Variants in USH1C observed in about 807,000 individuals in gnomAD.
The protein encoded by USH1C is USH1 protein network component harmonin.
In USH1C, 90 loss-of-function variants were observed where a neutral mutation model predicts 119.3. The observed-to-expected ratio is 0.75, with a 90% CI of 0.64 to 0.90. The LOEUF is 0.90. USH1C is among the 40% of genes least tolerant of loss of function. USH1C has a pLI of 0.00. For synonymous variants in USH1C, 465 were observed against 443.3 expected (o/e 1.05, Z -0.62); for missense variants, 1,165 against 1,167.7 (o/e 1.00, Z 0.03).
At chr11:17,517,740 A>G (rs1341197249) in intron 14 of USH1C, among the ~76,000 whole-genome samples, 1 of 152,220 alleles carries the variant, frequency 6.6e-6, no homozygotes, top group Non-Finnish European at 1.5e-5. Flanking sequence ...TGAGGGTAGC[A>G]TGAGAACCAT....
At position 17,527,291 on chromosome 11, in the gene USH1C, G is replaced by T; in HGVS notation, c.428C>A (p.Ser143Tyr). 1 of 1,613,318 alleles carries T rather than the reference G, an allele frequency of 6.2e-7. No individual in the cohort carries two copies. Reference protein sequence around the residue: ...EIVRINGYSISSCTHEEVINL... With the variant: ...EIVRINGYSIYSCTHEEVINL... ...GATGACCTCCTCATGGGTACAGGAG[G>T]AGATGGAATATCCATTGATCCGGAC... is the stretch of plus-strand genomic sequence containing the variant. The change falls in exon 5 of 27, where the codon TCC becomes TAC. Residue 143 changes from serine (S) to tyrosine (Y), a missense_variant. Transcript: ENST00000005226.
At chr11:17,511,625 C>T (rs1436335593) in intron 16 of USH1C, among the ~76,000 whole-genome samples, 1 of 152,158 alleles carries the variant, frequency 6.6e-6, no homozygotes, top group East Asian at 1.9e-4. Flanking sequence ...ACTCACACCC[C>T]CCGACCAAGG....
chr11:17,505,954 G>A lies in USH1C; in HGVS notation c.2014-5C>T. On this transcript the variant is annotated splice_polypyrimidine_tract_variant and splice_region_variant and intron_variant, in intron 18 of 26. Transcript: ENST00000005226. ...CTGTGGGCTTGGGCAAAATGTCTAAGGAGTTAGTTTAACAGGGACCCAGGT... is the reference window on the plus strand; with the variant it reads ...CTGTGGGCTTGGGCAAAATGTCTAAAGAGTTAGTTTAACAGGGACCCAGGT... 6.2e-7 allele frequency: 1 copy of A among 1,614,198 alleles called. No individual in the cohort carries two copies. The highest frequency in any genetic ancestry group is 8.5e-7 in the Non-Finnish European group (1 of 1,180,038).
At chr11:17,494,462 A>G in intron 26 of USH1C, 86 bp from the exon 27 acceptor site, 1 of 1,459,098 alleles carries the variant, frequency 6.9e-7, no homozygotes, top group Non-Finnish European at 9.4e-7. Flanking sequence ...CACAAGGGGG[A>G]GTACCCACTC....
In USH1C at chr11:17,496,816, G is replaced by T; in HGVS notation, c.2491-3C>A. On this transcript the variant is annotated splice_region_variant and splice_polypyrimidine_tract_variant and intron_variant, in intron 24 of 26. Transcript: ENST00000005226. ...GCAACCACAAGGTCGATCCAGTCCTGTGGGGAGAAGCCGTGTGACTCTGGG... is the reference window on the plus strand; with the variant it reads ...GCAACCACAAGGTCGATCCAGTCCTTTGGGGAGAAGCCGTGTGACTCTGGG... 1 of 1,614,164 alleles carries T rather than the reference G, an allele frequency of 6.2e-7. No homozygotes were observed. The highest frequency in any genetic ancestry group is 8.5e-7 in the Non-Finnish European group (1 of 1,179,978).
In USH1C at chr11:17,495,142, T is replaced by C. The variant is rs1023658076; in HGVS notation, c.2655+427A>G. 3 of 240,256 alleles carry C rather than the reference T, an allele frequency of 1.2e-5. No homozygotes were observed. In the East Asian group the frequency reaches 2.9e-4, roughly 24 times the overall value. The allele number at this position is 240,256 out of a possible 1,614,324, so 14.9% of individuals were successfully genotyped here. A position where few individuals can be genotyped will look rare whatever the true frequency, so the allele number is the denominator to read the frequency against. ...AGGTTGGCATTCACAGGAAGGGGAA[T>C]TTTCACATTCTGTTGAGGACATCTC... On this transcript the variant is annotated intron_variant, in intron 26 of 26. Transcript: ENST00000005226.
intron 9 of USH1C, 90 bp downstream of exon 9, chr11:17,524,361 G>A: frequency 1.4e-6 from 2 of 1,397,400 alleles, no homozygotes; most frequent in South Asian, 1.2e-5. Context: ...AGAGGGCCAT[G>A]TGGAAAGGCA....
chr11:17,501,961 TC>T lies in USH1C; in HGVS notation c.2203del (p.Glu735LysfsTer30). 6.2e-7 allele frequency: 1 copy of T among 1,613,780 alleles called. No individual in the cohort carries two copies. Among genetic ancestry groups the T allele is most frequent in the East Asian group, 2.2e-5 (1 of 44,878 alleles). On this transcript the variant is annotated frameshift_variant, in exon 21 of 27. Transcript: ENST00000005226. LOFTEE classifies it high-confidence loss of function. ...AFRQDFRKYE[E>X]GFDPYSMFTP... ...TACCATAGAGTAGGGGTCAAAGCCT[TC>T]CTCATATTTCCGGAAATCCTGGAAG...
intron 1 of USH1C, among the ~76,000 whole-genome samples, chr11:17,539,254 C>T (rs1053758313): frequency 2.0e-5 from 3 of 152,186 alleles, no homozygotes; most frequent in African/African-American, 7.2e-5. Flanking sequence ...ACTCACCAAG[C>T]TGTGCTGAAC....
chr11:17,517,322 G>C (rs1181455710), intron 14 of USH1C: 7 of 1,421,458 alleles, frequency 4.9e-6, no homozygotes, highest in Non-Finnish European at 6.8e-6. Flanking sequence ...CTGAAGCTGG[G>C]TGTCTGCACT....
Position 17,526,388 on chromosome 11 carries a change from C to A in USH1C, c.633G>T (p.Lys211Asn), listed in dbSNP as rs781118419. 7.4e-6 allele frequency: 12 copies of A among 1,613,988 alleles called. No homozygotes were observed. The East Asian group carries it at 2.7e-4, about 36-fold the overall frequency. Residue 211 changes from lysine (K) to asparagine (N), a missense_variant, in exon 8 of 27, where the codon AAG (lysine) becomes AAT (asparagine). Physicochemically the swap from Lys to Asn is moderately conservative, Grantham distance 94. Transcript: ENST00000005226. ...GGGAGCCTACCAGGCTGATGAAGAC[C>A]TTCTTCTCCTTGTTTTCCCGATTTC... ...SPGNRENKEK[K>N]VFISLVGSRG...
Position 17,526,753 on chromosome 11 carries a change from C to T in USH1C, c.579G>A (p.Gly193=), listed in dbSNP as rs753347445. 9 of 1,613,948 alleles carry T rather than the reference C, an allele frequency of 5.6e-6. No individual in the cohort carries two copies. In the African/African-American group the frequency reaches 6.7e-5, roughly 12 times the overall value. ...CCATCACAGGAGGTCTGGCCCTTAC[C>T]CCAGATTCCGACACAAACTGATCCA... ...QYVDQFVSES[G]GVRGSLGSPG... is the part of the protein sequence containing the mutation. The change falls in exon 7 of 27, where the codon GGG becomes GGA. Residue 193 remains glycine (G), a splice_region_variant and synonymous_variant. Coordinates refer to ENST00000005226, the MANE Select transcript of USH1C (RefSeq NM_153676.4).
chr11:17,510,445 C>T lies in USH1C; in HGVS notation c.1490G>A (p.Arg497His), dbSNP rs776650177. The part of the protein sequence containing the change: ...QYWVERLCQT[R>H]LEQISSADNE... ...ATCAGCAGAGGAAATCTGCTCGAGGCGCGTTTGACAGAGCCTCTCCACCCA... is the reference window on the plus strand; with the variant it reads ...ATCAGCAGAGGAAATCTGCTCGAGGTGCGTTTGACAGAGCCTCTCCACCCA... Residue 497 changes from arginine to histidine, a missense_variant, in exon 17 of 27, where the codon CGC becomes CAC. Physicochemically the swap from Arg to His is conservative, Grantham distance 29 (BLOSUM62 0). Coordinates refer to ENST00000005226, the MANE Select transcript of USH1C (RefSeq NM_153676.4). 28 of 1,612,676 alleles carry T rather than the reference C, an allele frequency of 1.7e-5. No homozygotes were observed. Among genetic ancestry groups the T allele is most frequent in the South Asian group, 1.4e-4 (13 of 90,872 alleles).
At chr11:17,522,747 G>A in intron 12 of USH1C, 37 bp downstream of exon 12, 1 of 1,613,284 alleles carries the variant, frequency 6.2e-7, no homozygotes, top group South Asian at 1.1e-5. Flanking sequence ...GGTGGGGTGG[G>A]AGGCGGGACA....
In USH1C at chr11:17,501,441, G is replaced by T. The variant is rs374196365; in HGVS notation, c.2280+41C>A. ...GACCAAGGGAGGAGGGGCAGGCACA[G>T]AGAGGGATGGCGGCCCACCGGCCTC... On this transcript the variant is annotated intron_variant, in intron 22 of 26. Coordinates refer to ENST00000005226, the MANE Select transcript of USH1C (RefSeq NM_153676.4). 3.7e-6 allele frequency: 6 copies of T among 1,602,900 alleles called. No individual in the cohort carries two copies. The African/African-American group carries it at 8.0e-5, about 21-fold the overall frequency.
rs142801489 is a variant in USH1C, at chr11:17,498,165, G to C, written c.2487C>G (p.Gly829=). Residue 829 remains glycine, a synonymous_variant, in exon 24 of 27, where the codon GGC becomes GGG. Transcript: ENST00000005226. ...EAALQKAWNQ[G]GDWIDLVVAV... ...GAGGGAGGGGCCTTATTCTTACCCC[G>C]CCCTGATTCCAGGCCTTCTGCAGGG... is the stretch of plus-strand genomic sequence containing the variant. The C allele has an allele frequency of 6.2e-7, 1 of 1,613,768 alleles. No individual in the cohort carries two copies. The highest frequency in any genetic ancestry group is 8.5e-7 in the Non-Finnish European group (1 of 1,179,680).
intron 19 of USH1C, 42 bp downstream of exon 19, chr11:17,505,788 T>C (rs1167692339): frequency 6.2e-7 from 1 of 1,613,360 alleles, no homozygotes; most frequent in Non-Finnish European, 8.5e-7. Context: ...AGCCCTGGTC[T>C]GCTCCTCTAG....
At chr11:17,534,048 G>T (rs989837837) in intron 1 of USH1C, among the ~76,000 whole-genome samples, 2 of 152,242 alleles carry the variant, frequency 1.3e-5, no homozygotes, top group Non-Finnish European at 2.9e-5. Flanking sequence ...CCCAGCGGGA[G>T]GCCCTGAATT....
At chr11:17,517,336 G>A (rs1850197489) in intron 14 of USH1C, 1 of 1,509,634 alleles carries the variant, frequency 6.6e-7, no homozygotes, top group Admixed American at 2.0e-5. Context: ...CTGCACTGCG[G>A]TCAGGAGGAG....
Sources: gnomAD v4.1 joint callset for allele counts (sites outside exome capture counted in the v4.1 genomes callset) on GRCh38, gnomAD v4.1.1 for gene constraint, MANE v1.5 for transcripts, NCBI Gene and HGNC (gene_info 2026-07-23, HGNC 2026-07-21) for gene names.